SLC22A15: variants seen among roughly 807,000 people sequenced by gnomAD.
SLC22A15 encodes the protein flipt 1.
A neutral mutation model predicts 62.7 loss-of-function variants in SLC22A15; 45 were observed. The observed-to-expected ratio is 0.72, with a 90% CI of 0.56 to 0.92. The LOEUF is 0.92. SLC22A15 is among the 40% of genes least tolerant of loss of function. SLC22A15 has a pLI of 0.00. For synonymous variants in SLC22A15, 264 were observed against 267.0 expected, an observed-to-expected ratio of 0.99 and a Z score of 0.11; for missense variants, 622 against 665.6, an observed-to-expected ratio of 0.93 and a Z score of 0.72.
In SLC22A15 at chr1:116,065,441, C is replaced by T. The variant is rs565505103; in HGVS notation, c.1365+933C>T. 8.5e-5 allele frequency among the ~76,000 whole-genome samples: 13 copies of T among 152,258 alleles called. No individual in the cohort carries two copies. The East Asian group carries it at 2.5e-3, about 29-fold the overall frequency. On this transcript the variant is annotated intron_variant, in intron 10 of 11. Coordinates refer to ENST00000369503, the MANE Select transcript of SLC22A15 (RefSeq NM_018420.3). ...GAGATATCTGACTTTGGATAGCTAT[C>T]CTACAACATTATAATACCCAGCACT...
chr1:115,982,834 A>G (rs1216193688), intron 1 of SLC22A15, among the ~76,000 whole-genome samples: 2 of 152,324 alleles, frequency 1.3e-5, no homozygotes, highest in South Asian at 2.1e-4. Context: ...ATCCTCACCT[A>G]TCTTAAATAC....
intron 1 of SLC22A15, among the ~76,000 whole-genome samples, chr1:115,977,337 AT>A (rs1399179599): frequency 6.6e-6 from 1 of 152,208 alleles, no homozygotes; most frequent in Non-Finnish European, 1.5e-5. Context: ...GAATAGTGCC[AT>A]CTACCATGTG....
intron 2 of SLC22A15, among the ~76,000 whole-genome samples, chr1:115,993,416 T>A (rs1218102031): frequency 2.8e-5 from 4 of 142,916 alleles, no homozygotes; most frequent in East Asian, 2.0e-4. Flanking sequence ...CCTGTGTGTG[T>A]GAGTGTGTGA....
At chr1:116,057,287 C>A (rs1327713519) in intron 8 of SLC22A15, among the ~76,000 whole-genome samples, 9 of 152,122 alleles carry the variant, frequency 5.9e-5, no homozygotes, top group South Asian at 4.2e-4. Context: ...ATTTATGTAG[C>A]CAACAGACAC....
Position 116,031,380 on chromosome 1 carries a change from C to G in SLC22A15, c.743C>G (p.Ser248Ter). ...ATCTCTTTCAGATTCATTCCTGAAT[C>G]ACCTCGTTGGTTATACTCCCAGGGT... ...VFLLSLFIPE[S>*]PRWLYSQGRL... Residue 248 changes from serine to a stop codon, truncating the protein, a stop_gained, in exon 6 of 12, where the codon TCA becomes TGA. Transcript: ENST00000369503. LOFTEE classifies it high-confidence loss of function. 6.2e-7 allele frequency: 1 copy of G among 1,613,222 alleles called. No individual in the cohort carries two copies. The highest frequency in any genetic ancestry group is 8.5e-7 in the Non-Finnish European group (1 of 1,179,646).
chr1:116,034,158 A>G (rs1379451247), intron 6 of SLC22A15, among the ~76,000 whole-genome samples: 1 of 152,254 alleles, frequency 6.6e-6, no homozygotes, highest in Non-Finnish European at 1.5e-5. Context: ...TTGCAAAAGC[A>G]TAAAACCTGA....
intron 6 of SLC22A15, among the ~76,000 whole-genome samples, chr1:116,033,333 G>A (rs999320422): frequency 2.0e-5 from 3 of 152,192 alleles, no homozygotes; most frequent in African/African-American, 7.2e-5. Context: ...GGATTGAAAT[G>A]ATTTTAATAG....
At chr1:115,996,606 TA>T (rs1655439322) in intron 2 of SLC22A15, among the ~76,000 whole-genome samples, 1 of 151,904 alleles carries the variant, frequency 6.6e-6, no homozygotes, top group Non-Finnish European at 1.5e-5. Flanking sequence ...TGAGGGATTA[TA>T]AATGGTACTG....
At chr1:116,019,894 C>T (rs537890493) in intron 3 of SLC22A15, among the ~76,000 whole-genome samples, 180 bp downstream of exon 3, 2 of 152,316 alleles carry the variant, frequency 1.3e-5, no homozygotes, top group Admixed American at 1.3e-4. Context: ...GGCCAGGCAC[C>T]TTTAAGTTAC....
chr1:116,007,350 A>G (rs908073639), intron 2 of SLC22A15, among the ~76,000 whole-genome samples: 1 of 152,172 alleles, frequency 6.6e-6, no homozygotes, highest in Non-Finnish European at 1.5e-5. Context: ...TTTGGGATCA[A>G]TTATCTTTTA....
chr1:116,032,460 T>C, intron 6 of SLC22A15: 1 of 985,440 alleles, frequency 1.0e-6, no homozygotes. Context: ...CTACATTTCA[T>C]GCAGGGATAA....
intron 2 of SLC22A15, chr1:116,015,208 G>A (rs1407158968): frequency 6.6e-6 from 1 of 152,138 alleles, no homozygotes; most frequent in Non-Finnish European, 1.5e-5. Flanking sequence ...ACCATCCCCA[G>A]TTCACTAGGA....
In SLC22A15 at chr1:115,992,044, C is replaced by T. The variant is rs563116047; in HGVS notation, c.101C>T (p.Thr34Met). The change falls in exon 2 of 12, where the codon ACG (threonine) becomes ATG (methionine). Residue 34 changes from threonine to methionine, a missense_variant. Transcript: ENST00000369503. ...TTGCTCTTTCAGCTCTACGTGGCCA[C>T]GGAGGCCATCCTCATTGCACTGGTT... ...LAVLLQLYVA[T>M]EAILIALVGA... The T allele has an allele frequency of 1.4e-5, 22 of 1,613,470 alleles. No individual in the cohort carries two copies. The highest frequency in any genetic ancestry group is 3.3e-5 in the South Asian group (3 of 91,050).
chr1:116,003,257 C>T (rs924478106), intron 2 of SLC22A15, among the ~76,000 whole-genome samples: 2 of 152,116 alleles, frequency 1.3e-5, no homozygotes, highest in Admixed American at 1.3e-4. Context: ...TCACTCTTCC[C>T]TCTTTTCCTG....
intron 8 of SLC22A15, among the ~76,000 whole-genome samples, chr1:116,053,391 A>G (rs1175632312): frequency 6.6e-6 from 1 of 152,346 alleles, no homozygotes; most frequent in East Asian, 1.9e-4. Flanking sequence ...CCTCCAAGAA[A>G]TATGGGACTA....
intron 8 of SLC22A15, among the ~76,000 whole-genome samples, chr1:116,045,457 G>C (rs1657907651): frequency 1.3e-5 from 2 of 151,922 alleles, no homozygotes; most frequent in Admixed American, 1.3e-4. Context: ...ACTTACAATA[G>C]GCTGGGCATG....
intron 2 of SLC22A15, among the ~76,000 whole-genome samples, chr1:115,993,089 A>C (rs1200761989): frequency 6.6e-6 from 1 of 152,164 alleles, no homozygotes; most frequent in Non-Finnish European, 1.5e-5. Flanking sequence ...CCAGAGGTAA[A>C]GAATCTGAGG....
In SLC22A15 at chr1:116,031,413, G is replaced by A. The variant is rs200739836; in HGVS notation, c.776G>A (p.Ser259Asn). The A allele has an allele frequency of 2.5e-5, 40 of 1,613,840 alleles. No homozygotes were observed. The highest frequency in any genetic ancestry group is 3.2e-5 in the Non-Finnish European group (38 of 1,179,876). Residue 259 changes from serine (S) to asparagine (N), a missense_variant, in exon 6 of 12, where the codon AGT (serine) becomes AAT (asparagine). Transcript: ENST00000369503. Reference protein sequence around the residue: ...PRWLYSQGRLSEAEEALYLIA... With the variant: ...PRWLYSQGRLNEAEEALYLIA... ...TGGTTATACTCCCAGGGTCGACTGAGTGAGGCTGAAGAGGCGCTGTACCTC... is the reference window on the plus strand; with the variant it reads ...TGGTTATACTCCCAGGGTCGACTGAATGAGGCTGAAGAGGCGCTGTACCTC...
chr1:116,039,985 T>G (rs769546075), intron 8 of SLC22A15, among the ~76,000 whole-genome samples: 36 of 152,354 alleles, frequency 2.4e-4, no homozygotes, highest in African/African-American at 6.7e-4. Context: ...ATTTTCTGTT[T>G]GCATTTTGTG....
Sources: gnomAD v4.1 joint callset for allele counts (sites outside exome capture counted in the v4.1 genomes callset) on GRCh38, gnomAD v4.1.1 for gene constraint, MANE v1.5 for transcripts, NCBI Gene and HGNC (gene_info 2026-07-23, HGNC 2026-07-21) for gene names.